The following FRMD1 variants were observed in gnomAD, a reference collection of about 807,000 sequenced individuals.
FRMD1 encodes the protein FERM domain containing 1.
Under a neutral mutation model 54.9 loss-of-function variants are expected in FRMD1, and 51 were observed. That is an observed-to-expected ratio of 0.93 (90% CI 0.74 to 1.17). FRMD1 has a LOEUF of 1.17. Among genes scored for constraint, FRMD1 ranks in the 50% most tolerant of loss-of-function variants. The pLI is 0.00. For missense variants in FRMD1, 729 were observed against 743.0 expected (o/e 0.98, Z 0.22); for synonymous variants, 324 against 306.4 (o/e 1.06, Z -0.60).
At chr6:168,070,356 G>T (rs1254328717) in intron 2 of FRMD1, among the ~76,000 whole-genome samples, 1 of 111,968 alleles carries the variant, frequency 8.9e-6, no homozygotes, top group African/African-American at 3.5e-5. Context: ...AGGAAAGAAA[G>T]AAGGAAGGAA....
intron 7 of FRMD1, chr6:168,062,588 G>T: frequency 7.4e-7 from 1 of 1,360,318 alleles, no homozygotes; most frequent in Non-Finnish European, 1.0e-6. Context: ...CTCTTCGGGT[G>T]CAGAATTGTC....
intron 2 of FRMD1, among the ~76,000 whole-genome samples, chr6:168,068,959 T>C (rs1008375878): frequency 1.3e-5 from 2 of 152,228 alleles, no homozygotes; most frequent in Admixed American, 6.5e-5. Context: ...TAGACGGCGT[T>C]AGACCCAGGG....
intron 1 of FRMD1, 62 bp downstream of exon 1, chr6:168,078,795 GGGCCCTGCTCACCCCCACGGCCACC>G (rs1562430592): frequency 4.3e-6 from 4 of 933,250 alleles, no homozygotes; most frequent in Non-Finnish European, 5.6e-6. Flanking sequence ...CGGCCACCCA[GGGCCCTGCTCACCCCCACGGCCACC>G]CGGAGCCCTG....
In FRMD1 at chr6:168,067,218, C is replaced by A; in HGVS notation, c.384+149G>T. 5 of 659,896 alleles carry A rather than the reference C, an allele frequency of 7.6e-6. No homozygotes were observed. In the South Asian group the frequency reaches 8.2e-5, roughly 11 times the overall value. The allele number at this position is 659,896 out of a possible 1,614,324, so 40.9% of individuals were successfully genotyped here. A position where few individuals can be genotyped will look rare whatever the true frequency, so the allele number is the denominator to read the frequency against. On this transcript the variant is annotated intron_variant, in intron 3 of 10. Transcript: ENST00000283309. ...CCCCACGCATCCCACCACTGTCCACCGTGGTGCCCTGCTCTCTCCCAACCC... is the reference window on the plus strand; with the variant it reads ...CCCCACGCATCCCACCACTGTCCACAGTGGTGCCCTGCTCTCTCCCAACCC...
At chr6:168,080,669 C>A (rs1800802796), upstream of FRMD1, among the ~76,000 whole-genome samples, 1 of 152,092 alleles carries the variant, frequency 6.6e-6, no homozygotes, top group Non-Finnish European at 1.5e-5. Context: ...TGGGGGGTGG[C>A]AGAACACCAC....
chr6:168,092,516 A>G (rs116707031), intron 1 of FRMD1, among the ~76,000 whole-genome samples: 12 of 149,964 alleles, frequency 8.0e-5, no homozygotes, highest in African/African-American at 2.5e-4. Flanking sequence ...GGGAGGTGAT[A>G]CAGTCATGGG....
At chr6:168,083,988 AC>A (rs1344446365), upstream of FRMD1, among the ~76,000 whole-genome samples, 3 of 152,272 alleles carry the variant, frequency 2.0e-5, no homozygotes, top group East Asian at 5.8e-4. Flanking sequence ...CTGAAGCCTC[AC>A]TGCAGGCCTG....
chr6:168,059,433 G>A lies in FRMD1; in HGVS notation c.1343-245C>T, dbSNP rs1023285438. On this transcript the variant is annotated intron_variant, in intron 9 of 10. Transcript: ENST00000283309. This position sits in a 1 kb window ranked among gnomAD's most constrained non-coding sequence, Gnocchi z 4.4. ...TTCCCGCTGGGTTACAGGCCACAGAGCTTGCATACATCCTCAGAGATGGAG... is the reference window on the plus strand; with the variant it reads ...TTCCCGCTGGGTTACAGGCCACAGAACTTGCATACATCCTCAGAGATGGAG... 6.6e-6 allele frequency among the ~76,000 whole-genome samples: 1 copy of A among 152,218 alleles called. No homozygotes were observed. The highest frequency in any genetic ancestry group is 1.5e-5 in the Non-Finnish European group (1 of 68,036).
chr6:168,078,805 C>CACTCCCACAGCTCTGTTT, intron 1 of FRMD1, 77 bp downstream of exon 1: 3 of 1,279,422 alleles, frequency 2.3e-6, no homozygotes, highest in Admixed American at 4.8e-5. Context: ...GGGCCCTGCT[C>CACTCCCACAGCTCTGTTT]ACCCCCACGG....
At chr6:168,082,297 G>C (rs1800846730), upstream of FRMD1, among the ~76,000 whole-genome samples, 1 of 152,208 alleles carries the variant, frequency 6.6e-6, no homozygotes, top group African/African-American at 2.4e-5. Flanking sequence ...GGGCTCAGAG[G>C]CCAAGCTGCT....
Position 168,059,281 on chromosome 6 carries a change from T to C in FRMD1, c.1343-93A>G, listed in dbSNP as rs1799593747. The C allele has an allele frequency of 1.7e-5, 18 of 1,084,372 alleles. No homozygotes were observed. The highest frequency in any genetic ancestry group is 2.4e-5 in the Non-Finnish European group (18 of 747,288). The allele number at this position is 1,084,372 out of a possible 1,614,324, so 67.2% of individuals were successfully genotyped here. A position where few individuals can be genotyped will look rare whatever the true frequency, so the allele number is the denominator to read the frequency against. Reference sequence around the variant, plus strand: ...GTTCCCTGCACTTCTGGGGCCCTGGTCTCGGACCGGCATCTCCTGAGGCTC... The same window carrying C: ...GTTCCCTGCACTTCTGGGGCCCTGGCCTCGGACCGGCATCTCCTGAGGCTC... On this transcript the variant is annotated intron_variant, in intron 9 of 10. Coordinates refer to ENST00000283309, the MANE Select transcript of FRMD1 (RefSeq NM_024919.6). The surrounding 1 kb of genome is among the most constrained non-coding windows in gnomAD (Gnocchi z 4.4).
chr6:168,079,214 A>C (rs1353992115), upstream of FRMD1: 7 of 1,424,546 alleles, frequency 4.9e-6, no homozygotes, highest in South Asian at 1.1e-4. Flanking sequence ...AAGGGAATTG[A>C]GAGGGAAGCC....
intron 1 of FRMD1, among the ~76,000 whole-genome samples, chr6:168,078,129 T>C (rs1053465670): frequency 6.6e-6 from 1 of 152,172 alleles, no homozygotes; most frequent in East Asian, 1.9e-4. Context: ...TCATTTTAAT[T>C]GCCACATTTT....
chr6:168,086,172 C>T (rs1800914713), upstream of FRMD1, among the ~76,000 whole-genome samples: 1 of 152,188 alleles, frequency 6.6e-6, no homozygotes, highest in Admixed American at 6.5e-5. Flanking sequence ...ACCAATGTCC[C>T]AGCATGGATG....
chr6:168,058,245 G>A (rs1293301614), intron 10 of FRMD1, among the ~76,000 whole-genome samples: 1 of 135,220 alleles, frequency 7.4e-6, no homozygotes, highest in Non-Finnish European at 1.5e-5. Context: ...CGCCTCCCGT[G>A]CCCAGCCCTG....
At chr6:168,075,605 TG>T in intron 1 of FRMD1, 1 of 771,076 alleles carries the variant, frequency 1.3e-6, no homozygotes, top group Non-Finnish European at 2.2e-6. Flanking sequence ...TGTCTGTCTC[TG>T]GTGTGAGGAT....
upstream of FRMD1, among the ~76,000 whole-genome samples, chr6:168,082,838 G>A (rs565168917): frequency 6.6e-6 from 1 of 152,214 alleles, no homozygotes; most frequent in Non-Finnish European, 1.5e-5. Flanking sequence ...AGCGGATAGT[G>A]CAGGGCCTGG....
intron 9 of FRMD1, among the ~76,000 whole-genome samples, chr6:168,060,124 G>C (rs1351889427): frequency 1.2e-5 from 1 of 86,856 alleles, no homozygotes; most frequent in Admixed American, 1.2e-4. Flanking sequence ...TAAGAGTTGG[G>C]GGGGTCTCTA....
At chr6:168,063,140 C>A (rs974814546) in intron 6 of FRMD1, among the ~76,000 whole-genome samples, 181 bp from the exon 7 acceptor site, 4 of 152,222 alleles carry the variant, frequency 2.6e-5, no homozygotes, top group Non-Finnish European at 5.9e-5. Flanking sequence ...TGTCATAGCA[C>A]AAGCACTGCC....
Sources: gnomAD v4.1 joint callset for allele counts (sites outside exome capture counted in the v4.1 genomes callset) on GRCh38, gnomAD v4.1.1 for gene constraint, Gnocchi (gnomAD v3.1) non-coding constraint, MANE v1.5 for transcripts, NCBI Gene and HGNC (gene_info 2026-07-23, HGNC 2026-07-21) for gene names.